ROCK2: variants seen among roughly 807,000 people sequenced by gnomAD.
ROCK2 encodes Rho associated coiled-coil containing protein kinase 2, also known as rho-associated protein kinase 2.
A neutral mutation model predicts 195.1 loss-of-function variants in ROCK2; 61 were observed. The ratio of observed to expected loss-of-function variants is 0.31; its 90% CI spans 0.25 to 0.39. The LOEUF is 0.39. Among genes scored for constraint, ROCK2 ranks in the 10% least tolerant of loss-of-function variants. The pLI is 1.00. For synonymous variants in ROCK2, 504 were observed against 545.5 expected, an observed-to-expected ratio of 0.92 and a Z score of 1.06; for missense variants, 1,109 against 1,637.4, an observed-to-expected ratio of 0.68 and a Z score of 5.57.
intron 3 of ROCK2, among the ~76,000 whole-genome samples, chr2:11,276,234 A>C (rs1666823103): frequency 6.6e-6 from 1 of 152,216 alleles, no homozygotes; most frequent in African/African-American, 2.4e-5. Flanking sequence ...AAAATAAATA[A>C]AACTATCTTT....
At chr2:11,215,134 T>C (rs540292547) in intron 15 of ROCK2, 48 bp from the exon 16 acceptor site, 5 of 1,598,090 alleles carry the variant, frequency 3.1e-6, no homozygotes, top group East Asian at 4.5e-5. Context: ...CACACATGTA[T>C]GTAATGAAAA....
At position 11,249,796 on chromosome 2, in the gene ROCK2, A is replaced by ATTTTTGATTTTG; in HGVS notation, c.326_327insCAAAATCAAAAA (p.Val109_Arg110insLysIleLysAsn). 1 of 1,509,502 alleles carries ATTTTTGATTTTG rather than the reference A, an allele frequency of 6.6e-7. No individual in the cohort carries two copies. Among genetic ancestry groups the ATTTTTGATTTTG allele is most frequent in the Non-Finnish European group, 8.8e-7 (1 of 1,134,824 alleles). 93.5% of individuals were successfully genotyped at this position (1,509,502 alleles called of 1,614,324 possible). On this transcript the variant is annotated inframe_insertion and splice_region_variant, in exon 4 of 33. Transcript: ENST00000315872. ...AAACCTTCTGCGATGCCTTGTGACG[A>ATTTTTGATTTTG]ACCTGTTGATTTTTGAAAACACAAA...
intron 27 of ROCK2, among the ~76,000 whole-genome samples, chr2:11,196,894 T>A (rs1448840993): frequency 6.6e-6 from 1 of 151,712 alleles, no homozygotes; most frequent in Non-Finnish European, 1.5e-5. Flanking sequence ...GAAGTAAGAA[T>A]GCAGAAAGAA....
At chr2:11,233,148 G>C (rs548637794) in intron 5 of ROCK2, among the ~76,000 whole-genome samples, 3 of 152,060 alleles carry the variant, frequency 2.0e-5, no homozygotes, top group Admixed American at 1.3e-4. Context: ...CAGGGGTTTC[G>C]GGCTACAGTG....
chr2:11,237,848 C>T (rs1189606146), intron 4 of ROCK2, among the ~76,000 whole-genome samples: 1 of 152,192 alleles, frequency 6.6e-6, no homozygotes, highest in Non-Finnish European at 1.5e-5. Context: ...GAGGCCGAGG[C>T]AGGCAGATCA....
chr2:11,196,957 T>C (rs1663660178), intron 27 of ROCK2, among the ~76,000 whole-genome samples: 1 of 152,102 alleles, frequency 6.6e-6, no homozygotes, highest in African/African-American at 2.4e-5. Context: ...ATTTAAAAAC[T>C]AGACATGTGG....
chr2:11,297,620 AC>A (rs1667577370), intron 1 of ROCK2, among the ~76,000 whole-genome samples: 1 of 152,114 alleles, frequency 6.6e-6, no homozygotes. Flanking sequence ...AGAAAAACTA[AC>A]TTTTTTTTCC....
chr2:11,266,034 A>G (rs1279562601), intron 3 of ROCK2, among the ~76,000 whole-genome samples: 1 of 152,198 alleles, frequency 6.6e-6, no homozygotes, highest in Non-Finnish European at 1.5e-5. Flanking sequence ...AAACTAAAAC[A>G]CGCACGCCCA....
intron 4 of ROCK2, among the ~76,000 whole-genome samples, chr2:11,240,610 G>C (rs1234117449): frequency 6.6e-6 from 1 of 152,192 alleles, no homozygotes; most frequent in Non-Finnish European, 1.5e-5. Flanking sequence ...CTGGGGCTCA[G>C]AGGGTAATAG....
At chr2:11,277,896 G>C (rs1398565631) in intron 3 of ROCK2, among the ~76,000 whole-genome samples, 2 of 152,160 alleles carry the variant, frequency 1.3e-5, no homozygotes, top group East Asian at 1.9e-4. Context: ...TGGAATCATA[G>C]AGCATGATTT....
At chr2:11,271,066 A>G (rs1666610386) in intron 3 of ROCK2, among the ~76,000 whole-genome samples, 1 of 152,184 alleles carries the variant, frequency 6.6e-6, no homozygotes, top group Non-Finnish European at 1.5e-5. Flanking sequence ...TTATGCCTCT[A>G]TACTGTGAAC....
chr2:11,226,912 GA>G (rs36080073), intron 6 of ROCK2, among the ~76,000 whole-genome samples: 35,017 of 100,450 alleles, frequency 0.35, 4,261 homozygotes, highest in East Asian at 0.51. Flanking sequence ...CCCTGCCTCA[GA>G]AAAAAAAAAA....
At chr2:11,317,612 A>ATATATTTTTTTTTTT (rs59701503) in intron 1 of ROCK2, among the ~76,000 whole-genome samples, 5 of 19,310 alleles carry the variant, frequency 2.6e-4, no homozygotes, top group Non-Finnish European at 4.1e-4. Context: ...ATATATATAT[A>ATATATTTTTTTTTTT]TTTTTTTTTT....
intron 3 of ROCK2, among the ~76,000 whole-genome samples, chr2:11,274,375 A>G (rs1666754601): frequency 6.6e-6 from 1 of 152,306 alleles, no homozygotes; most frequent in East Asian, 1.9e-4. Flanking sequence ...GGCTAGATGG[A>G]CTAATTAAAA....
chr2:11,261,732 G>C (rs1250808215), intron 3 of ROCK2, among the ~76,000 whole-genome samples: 5 of 152,074 alleles, frequency 3.3e-5, no homozygotes, highest in African/African-American at 1.2e-4. Flanking sequence ...CAGGAGAATC[G>C]CTTCAACCCA....
intron 11 of ROCK2, 28 bp from the exon 12 acceptor site, chr2:11,217,197 C>T (rs377614524): frequency 2.8e-5 from 32 of 1,124,546 alleles, no homozygotes; most frequent in South Asian, 9.0e-5. Context: ...ACTGTAATTA[C>T]GTATTTTGGT....
chr2:11,271,854 C>T (rs1234280770), intron 3 of ROCK2, among the ~76,000 whole-genome samples: 3 of 151,886 alleles, frequency 2.0e-5, no homozygotes, highest in Non-Finnish European at 2.9e-5. Context: ...GGTGAAACCC[C>T]GTCTCTACTA....
chr2:11,337,561 G>A (rs1668969040), intron 1 of ROCK2, among the ~76,000 whole-genome samples: 2 of 151,940 alleles, frequency 1.3e-5, no homozygotes. Context: ...AAGATGTGGA[G>A]CAACTGGAAC....
intron 3 of ROCK2, among the ~76,000 whole-genome samples, chr2:11,275,257 CAAAAAA>C (rs71393869): frequency 1.8e-5 from 2 of 110,562 alleles, no homozygotes; most frequent in Non-Finnish European, 4.0e-5. Context: ...GACTTCATGT[CAAAAAA>C]AAAAAAAAAA....
Sources: allele counts gnomAD v4.1 joint callset (sites outside exome capture counted in the v4.1 genomes callset), GRCh38; gene constraint gnomAD v4.1.1; transcripts MANE v1.5; gene names NCBI Gene and HGNC (gene_info 2026-07-23, HGNC 2026-07-21).